Variants in ODAD2 observed in about 807,000 individuals in gnomAD.
The protein encoded by ODAD2 is outer dynein arm docking complex subunit 2.
Under a neutral mutation model 106.8 loss-of-function variants are expected in ODAD2, and 89 were observed. The ratio of observed to expected loss-of-function variants is 0.83; its 90% CI spans 0.70 to 0.99. ODAD2 has a LOEUF of 0.99. Ranked by LOEUF, ODAD2 falls within the 50% of genes least tolerant of loss-of-function variation. The pLI is 0.00. For synonymous variants in ODAD2, 404 were observed against 436.2 expected (o/e 0.93, Z 0.92); for missense variants, 1,168 against 1,238.5 (o/e 0.94, Z 0.85).
intron 16 of ODAD2, among the ~76,000 whole-genome samples, chr10:27,915,604 A>G (rs1270585184): frequency 6.6e-6 from 1 of 152,134 alleles, no homozygotes; most frequent in East Asian, 1.9e-4. Context: ...GGGAATTATG[A>G]TACGATTAAA....
intron 7 of ODAD2, among the ~76,000 whole-genome samples, chr10:27,980,692 T>C (rs1480257086): frequency 6.6e-6 from 1 of 152,128 alleles, no homozygotes; most frequent in African/African-American, 2.4e-5. Context: ...TTAACAAGGA[T>C]GTGAAGAAAG....
intron 16 of ODAD2, among the ~76,000 whole-genome samples, chr10:27,930,852 ACAGT>A (rs1442889690): frequency 1.3e-5 from 2 of 152,168 alleles, no homozygotes; most frequent in African/African-American, 4.8e-5. Context: ...GAGCATTCAA[ACAGT>A]CAATCTGGTT....
At position 27,984,256 on chromosome 10, in the gene ODAD2, CCTT is replaced by C; in HGVS notation, c.607_609del (p.Lys203del). 2 of 1,613,546 alleles carry C rather than the reference CCTT, an allele frequency of 1.2e-6. No homozygotes were observed. The highest frequency in any genetic ancestry group is 4.5e-5 in the East Asian group (2 of 44,830). On this transcript the variant is annotated inframe_deletion, in exon 5 of 20. Coordinates refer to ENST00000305242, the MANE Select transcript of ODAD2 (RefSeq NM_018076.5). The stretch of plus-strand genomic sequence containing the variant: ...GAGAAACGTTTGAGCAGTTCTATAT[CCTT>C]CTTCACCGTCATGGGACTTAAACTT...
intron 19 of ODAD2, among the ~76,000 whole-genome samples, chr10:27,821,912 A>C (rs1836644834): frequency 6.6e-6 from 1 of 152,178 alleles, no homozygotes. Context: ...AAGACTTTAA[A>C]TTTATTGGGA....
Position 27,935,219 on chromosome 10 carries a change from C to A in ODAD2, c.2286G>T (p.Val762=). The A allele has an allele frequency of 6.2e-7, 1 of 1,613,946 alleles. No individual in the cohort carries two copies. Among genetic ancestry groups the A allele is most frequent in the African/African-American group, 1.3e-5 (1 of 75,054 alleles). Residue 762 remains valine, a synonymous_variant, in exon 16 of 20, where the codon GTG becomes GTT. Coordinates refer to ENST00000305242, the MANE Select transcript of ODAD2 (RefSeq NM_018076.5). The part of the protein sequence containing the change: ...FREYKAIETL[V]GLLTDQPEEV... Reference sequence around the variant, plus strand: ...CTTCAGGCTGATCTGTTAGAAGTCCCACCAAGGTTTCAATGGCTTTGTATT... The same window carrying A: ...CTTCAGGCTGATCTGTTAGAAGTCCAACCAAGGTTTCAATGGCTTTGTATT...
chr10:27,910,867 C>T (rs904166892), intron 16 of ODAD2, among the ~76,000 whole-genome samples: 2 of 152,178 alleles, frequency 1.3e-5, no homozygotes, highest in African/African-American at 4.8e-5. Context: ...AAATAGTGAA[C>T]TACCCTTCCT....
intron 10 of ODAD2, among the ~76,000 whole-genome samples, chr10:27,956,144 G>A (rs1425278541): frequency 6.6e-6 from 1 of 152,194 alleles, no homozygotes; most frequent in African/African-American, 2.4e-5. Flanking sequence ...CCCATCATGG[G>A]TCAGGGGCAA....
chr10:27,920,959 C>T (rs908152948), intron 16 of ODAD2, among the ~76,000 whole-genome samples: 31 of 152,060 alleles, frequency 2.0e-4, no homozygotes, highest in African/African-American at 7.5e-4. Context: ...TAATTCTATC[C>T]TTGTGTATGT....
intron 2 of ODAD2, 103 bp downstream of exon 2, chr10:27,994,816 T>C: frequency 7.9e-7 from 1 of 1,273,102 alleles, no homozygotes; most frequent in South Asian, 1.5e-5. Context: ...AGAGGGCTTC[T>C]GAGGTTCAGA....
intron 19 of ODAD2, among the ~76,000 whole-genome samples, chr10:27,857,193 T>C (rs1027289788): frequency 1.3e-5 from 2 of 152,138 alleles, no homozygotes; most frequent in African/African-American, 4.8e-5. Context: ...TACGTGAAGA[T>C]GACAAGGATG....
intron 17 of ODAD2, among the ~76,000 whole-genome samples, chr10:27,872,395 G>T (rs1840966984): frequency 1.3e-5 from 2 of 151,782 alleles, no homozygotes; most frequent in Admixed American, 1.3e-4. Flanking sequence ...ACACTATGTT[G>T]AATAGCAGGG....
chr10:27,896,693 C>T (rs946855981), intron 17 of ODAD2, among the ~76,000 whole-genome samples: 8 of 152,068 alleles, frequency 5.3e-5, no homozygotes, highest in African/African-American at 1.9e-4. Flanking sequence ...ACAGTGAGAG[C>T]CAGGCCTGTC....
intron 7 of ODAD2, among the ~76,000 whole-genome samples, chr10:27,978,435 A>G (rs567159074): frequency 2.6e-5 from 4 of 152,292 alleles, no homozygotes; most frequent in African/African-American, 7.2e-5. Flanking sequence ...CGAATCCTCA[A>G]TTTTTCCCTC....
intron 2 of ODAD2, among the ~76,000 whole-genome samples, chr10:27,989,103 T>A (rs779882420): frequency 1.4e-4 from 21 of 152,160 alleles, no homozygotes; most frequent in Non-Finnish European, 2.5e-4. Context: ...CCGGAAGGAA[T>A]GCAACCCTGC....
chr10:27,918,643 CAT>C (rs1844560080), intron 16 of ODAD2, among the ~76,000 whole-genome samples: 1 of 151,816 alleles, frequency 6.6e-6, no homozygotes, highest in South Asian at 2.1e-4. Context: ...AGGTACAGAA[CAT>C]ATATGTTTGC....
intron 10 of ODAD2, among the ~76,000 whole-genome samples, chr10:27,951,779 AC>A (rs1847343627): frequency 6.6e-6 from 1 of 152,274 alleles, no homozygotes; most frequent in East Asian, 1.9e-4. Flanking sequence ...AAAAGAGTAG[AC>A]AAAAAGACAT....
At position 27,945,004 on chromosome 10, in the gene ODAD2, A is replaced by G. The variant is rs34084011; in HGVS notation, c.1387-42T>C. The G allele has an allele frequency of 0.54, 862,365 of 1,604,998 alleles. 232,766 individuals carry two copies. Among genetic ancestry groups the G allele is most frequent in the Middle Eastern group, 0.66 (3,967 of 6,036 alleles). On this transcript the variant is annotated intron_variant, in intron 10 of 19. Coordinates refer to ENST00000305242, the MANE Select transcript of ODAD2 (RefSeq NM_018076.5). Reference sequence around the variant, plus strand: ...CCAGAGAAAGGTTAAGGAACACCGCATTCCCATAGAAATGCACTAAGTAGT... The same window carrying G: ...CCAGAGAAAGGTTAAGGAACACCGCGTTCCCATAGAAATGCACTAAGTAGT...
intron 17 of ODAD2, among the ~76,000 whole-genome samples, chr10:27,869,053 A>G (rs1174614180): frequency 6.6e-6 from 1 of 151,942 alleles, no homozygotes; most frequent in African/African-American, 2.4e-5. Flanking sequence ...CTGAAGTTGT[A>G]ATTAGGTGAT....
intron 18 of ODAD2, 27 bp downstream of exon 18, chr10:27,862,407 T>G (rs769141612): frequency 1.3e-6 from 2 of 1,569,002 alleles, no homozygotes; most frequent in Non-Finnish European, 1.7e-6. Flanking sequence ...ACAATATGCA[T>G]GTAAAACAAA....
Sources: gnomAD v4.1 joint callset for allele counts (sites outside exome capture counted in the v4.1 genomes callset) on GRCh38, gnomAD v4.1.1 for gene constraint, MANE v1.5 for transcripts, NCBI Gene and HGNC (gene_info 2026-07-23, HGNC 2026-07-21) for gene names.